EIF2D: variants seen among roughly 807,000 people sequenced by gnomAD.
The protein encoded by EIF2D is hepatocellular carcinoma-associated antigen 56.
In EIF2D, 56 loss-of-function variants were observed where a neutral mutation model predicts 77.4. The observed-to-expected ratio is 0.72, with a 90% CI of 0.58 to 0.90. The LOEUF is 0.90. EIF2D is among the 40% of genes least tolerant of loss of function. EIF2D has a pLI of 0.00. For synonymous variants in EIF2D, 230 were observed against 271.0 expected (o/e 0.85, Z 1.49); for missense variants, 574 against 706.5 (o/e 0.81, Z 2.13).
chr1:206,569,230 G>T (rs1382756451), downstream of EIF2D, among the ~76,000 whole-genome samples: 3 of 152,222 alleles, frequency 2.0e-5, no homozygotes, highest in Non-Finnish European at 4.4e-5. Context: ...CCCCAGTGGG[G>T]TACAGAAGCC....
chr1:206,591,261 C>T (rs1669330132), downstream of EIF2D, among the ~76,000 whole-genome samples: 2 of 152,228 alleles, frequency 1.3e-5, no homozygotes, highest in Non-Finnish European at 2.9e-5. Flanking sequence ...TGCCTGTATA[C>T]TGTTTCTGAT....
intron 6 of EIF2D, 107 bp from the exon 7 acceptor site, chr1:206,602,560 G>A: frequency 1.0e-6 from 1 of 978,734 alleles, no homozygotes; most frequent in Non-Finnish European, 1.6e-6. Flanking sequence ...GGCTCTGAAA[G>A]GAACCCATTC....
chr1:206,590,973 T>C (rs1300328286), downstream of EIF2D, among the ~76,000 whole-genome samples: 2 of 152,124 alleles, frequency 1.3e-5, no homozygotes, highest in Admixed American at 6.5e-5. Flanking sequence ...AGTGATCCCT[T>C]TGGGAATTTG....
chr1:206,598,046 A>T (rs532455626), intron 11 of EIF2D, among the ~76,000 whole-genome samples: 28 of 151,056 alleles, frequency 1.9e-4, no homozygotes, highest in African/African-American at 6.6e-4. Flanking sequence ...TGAAAAAAAA[A>T]TTTTTTTTTG....
Position 206,584,925 on chromosome 1 carries a change from A to G in EIF2D, c.139-3763T>C. 2 of 607,740 alleles carry G rather than the reference A, an allele frequency of 3.3e-6. No homozygotes were observed. The highest frequency in any genetic ancestry group is 3.7e-5 in the African/African-American group (2 of 54,068). The allele number at this position is 607,740 out of a possible 1,614,324, so 37.6% of individuals were successfully genotyped here. ...AGGCTCCCATTTCCTGATCTGTGCA[A>G]TGGGAGGAATCTGCCCCACCATTCC... On this transcript the variant is annotated intron_variant and NMD_transcript_variant, in intron 2 of 5. Transcript: ENST00000472709. This position sits in a 1 kb window ranked among gnomAD's most constrained non-coding sequence, Gnocchi z 4.9.
chr1:206,608,198 A>G, intron 4 of EIF2D, 38 bp downstream of exon 4: 1 of 1,582,148 alleles, frequency 6.3e-7, no homozygotes, highest in Non-Finnish European at 8.6e-7. Context: ...CTTTTACACA[A>G]GTTTTTCCCC....
intron 13 of EIF2D, chr1:206,595,459 A>G (rs1553409814): frequency 3.6e-6 from 1 of 278,252 alleles, no homozygotes; most frequent in Non-Finnish European, 6.7e-6. Context: ...GAAAAAAATG[A>G]AAATACAATC....
intron 14 of EIF2D, 107 bp downstream of exon 14, chr1:206,593,512 T>TGTGTGCGTGTGC: frequency 2.0e-6 from 1 of 506,340 alleles, no homozygotes; most frequent in Non-Finnish European, 3.3e-6. Flanking sequence ...AGAGAGAGTG[T>TGTGTGCGTGTGC]GTGTGTGTGT....
downstream of EIF2D, among the ~76,000 whole-genome samples, chr1:206,569,331 C>T (rs1553403863): frequency 6.6e-6 from 1 of 152,176 alleles, no homozygotes; most frequent in East Asian, 1.9e-4. Flanking sequence ...AGTGGCAACA[C>T]AGGTTTTGGG....
chr1:206,590,249 C>G (rs1553408704), downstream of EIF2D, among the ~76,000 whole-genome samples: 1 of 152,178 alleles, frequency 6.6e-6, no homozygotes, highest in Non-Finnish European at 1.5e-5. Context: ...AGCACTGTGT[C>G]ATGGCAGAAT....
At position 206,584,814 on chromosome 1, in the gene EIF2D, T is replaced by C. The variant is rs782588818; in HGVS notation, c.139-3652A>G. ...TGAGCACCAGGGGTCCAGCTGCCCA[T>C]GTGGTGTTCAGATCTGTGGAATCCG... On this transcript the variant is annotated intron_variant and NMD_transcript_variant, in intron 2 of 5. Coordinates refer to the EIF2D transcript ENST00000472709. The surrounding 1 kb of genome is among the most constrained non-coding windows in gnomAD (Gnocchi z 4.9). 134 of 962,350 alleles carry C rather than the reference T, an allele frequency of 1.4e-4. 3 individuals are homozygous for C. The South Asian group carries it at 1.7e-3, about 12-fold the overall frequency. 59.6% of individuals were successfully genotyped at this position (962,350 alleles called of 1,614,324 possible). A position where few individuals can be genotyped will look rare whatever the true frequency, so the allele number is the denominator to read the frequency against.
At position 206,592,734 on chromosome 1, in the gene EIF2D, T is replaced by C. The variant is rs1440307785; in HGVS notation, c.1684+885A>G. ...ATCATATTTGTTTAAGAAAGCTGAC[T>C]CAGGCAGAGATGTGAAGGCTGGTTT... is the stretch of plus-strand genomic sequence containing the variant. On this transcript the variant is annotated intron_variant, in intron 14 of 14. Coordinates refer to ENST00000271764, the MANE Select transcript of EIF2D (RefSeq NM_006893.3). This position sits in a 1 kb window ranked among gnomAD's most constrained non-coding sequence, Gnocchi z 4.7. 6.6e-6 allele frequency among the ~76,000 whole-genome samples: 1 copy of C among 152,276 alleles called. No homozygotes were observed. Among genetic ancestry groups the C allele is most frequent in the African/African-American group, 2.4e-5 (1 of 41,544 alleles).
chr1:206,599,591 G>A lies in EIF2D; in HGVS notation c.1074C>T (p.Pro358=), dbSNP rs375428844. ...KHPRITSFVI[P]EPSPTSQTIQ... is the part of the protein sequence containing the mutation. Reference sequence around the variant, plus strand: ...TAGTCTGGGAGGTCGGGGAGGGCTCGGGTATGACGAAAGATGTAATCCTAA... The same window carrying A: ...TAGTCTGGGAGGTCGGGGAGGGCTCAGGTATGACGAAAGATGTAATCCTAA... The change falls in exon 10 of 15, where the codon CCC becomes CCT. Residue 358 remains proline (P), a synonymous_variant. Coordinates refer to ENST00000271764, the MANE Select transcript of EIF2D (RefSeq NM_006893.3). The surrounding 1 kb of genome is among the most constrained non-coding windows in gnomAD (Gnocchi z 4.1). 2.3e-5 allele frequency: 37 copies of A among 1,599,168 alleles called. No individual in the cohort carries two copies. Among genetic ancestry groups the A allele is most frequent in the Middle Eastern group, 3.4e-4 (2 of 5,956 alleles).
chr1:206,603,440 C>T (rs1272075229), intron 5 of EIF2D: 1 of 502,574 alleles, frequency 2.0e-6, no homozygotes, highest in Admixed American at 3.3e-5. Flanking sequence ...TTGTCTCCTC[C>T]CTATCCCAAA....
Position 206,608,239 on chromosome 1 carries a change from T to C in EIF2D, c.419A>G (p.Asn140Ser). 2.5e-6 allele frequency: 4 copies of C among 1,613,532 alleles called. No individual in the cohort carries two copies. Among genetic ancestry groups the C allele is most frequent in the South Asian group, 2.2e-5 (2 of 90,948 alleles). Reference protein sequence around the residue: ...GDLCAISLVGNRAPVAIGVAA... With the variant: ...GDLCAISLVGSRAPVAIGVAA... ...GCACAGTTGCCTGGCACAGTACCTGTTCCCCACCAAAGAAATGGCACAGAG... is the reference window on the plus strand; with the variant it reads ...GCACAGTTGCCTGGCACAGTACCTGCTCCCCACCAAAGAAATGGCACAGAG... Residue 140 changes from asparagine to serine, a missense_variant, in exon 4 of 15, where the codon AAC becomes AGC. Coordinates refer to ENST00000271764, the MANE Select transcript of EIF2D (RefSeq NM_006893.3).
chr1:206,603,471 C>T, intron 5 of EIF2D: 1 of 355,208 alleles, frequency 2.8e-6, no homozygotes, highest in Non-Finnish European at 5.1e-6. Context: ...TATTAATAGA[C>T]ATCCCAAGAC....
At chr1:206,575,189 T>A (rs551259694) in intron 4 of EIF2D, among the ~76,000 whole-genome samples, 1 of 152,172 alleles carries the variant, frequency 6.6e-6, no homozygotes, top group East Asian at 1.9e-4. Context: ...GACGTTCCCA[T>A]CTAGGGCAAG....
At chr1:206,612,214 A>AG in intron 1 of EIF2D, 73 bp downstream of exon 1, 2 of 1,598,206 alleles carry the variant, frequency 1.3e-6, no homozygotes, top group Non-Finnish European at 1.7e-6. Context: ...AAGAATAGCG[A>AG]GGGCTATGGG....
chr1:206,596,979 C>T, intron 12 of EIF2D, 121 bp downstream of exon 12: 1 of 736,364 alleles, frequency 1.4e-6, no homozygotes, highest in Non-Finnish European at 2.3e-6. Context: ...TGTAGACTGA[C>T]TTGGTATGAA....
Sources: allele counts gnomAD v4.1 joint callset (sites outside exome capture counted in the v4.1 genomes callset), GRCh38; gene constraint gnomAD v4.1.1; non-coding constraint Gnocchi (gnomAD v3.1); transcripts MANE v1.5; gene names NCBI Gene and HGNC (gene_info 2026-07-23, HGNC 2026-07-21).